Variants in PCGF6 observed in about 807,000 individuals in gnomAD.
PCGF6 encodes polycomb group RING finger protein 6.
PCGF6 carries 24 observed loss-of-function variants against 45.5 expected under a neutral mutation model. The observed-to-expected ratio is 0.53, with a 90% CI of 0.38 to 0.74. The LOEUF (loss-of-function observed/expected upper bound fraction) is 0.74. Ranked by LOEUF, PCGF6 falls within the 30% of genes least tolerant of loss-of-function variation. The pLI, the probability that PCGF6 is intolerant of heterozygous loss-of-function variation, is 0.00. For synonymous variants in PCGF6, 152 were observed against 162.1 expected (o/e 0.94, Z 0.47); for missense variants, 356 against 443.2 (o/e 0.80, Z 1.77).
chr10:103,335,244 G>A (rs1456636942), intron 6 of PCGF6, among the ~76,000 whole-genome samples: 3 of 151,840 alleles, frequency 2.0e-5, no homozygotes, highest in Non-Finnish European at 4.4e-5. Flanking sequence ...TTAAGAGATA[G>A]GGTCTCGCTG....
chr10:103,316,737 G>T (rs2093177549), intron 8 of PCGF6, among the ~76,000 whole-genome samples: 1 of 152,090 alleles, frequency 6.6e-6, no homozygotes, highest in African/African-American at 2.4e-5. Flanking sequence ...AGCAGCCACG[G>T]TGTGGCTGTG....
rs746509117 is a variant in PCGF6, at chr10:103,326,640, AACAG to A, written c.811-12_811-9del. 1.9e-6 allele frequency: 3 copies of A among 1,604,618 alleles called. No homozygotes were observed. The highest frequency in any genetic ancestry group is 2.2e-5 in the South Asian group (2 of 89,718). ...AAACTTCTTTTCCAATGGCTACAAAAACAGACAGATAAAACTATTTTTAGGTTAA... is the reference window on the plus strand; with the variant it reads ...AAACTTCTTTTCCAATGGCTACAAAAACAGATAAAACTATTTTTAGGTTAA... On this transcript the variant is annotated splice_polypyrimidine_tract_variant and intron_variant, in intron 7 of 9. Transcript: ENST00000369847.
chr10:103,334,902 G>A (rs1436525670), intron 6 of PCGF6, among the ~76,000 whole-genome samples: 1 of 152,110 alleles, frequency 6.6e-6, no homozygotes, highest in Non-Finnish European at 1.5e-5. Context: ...GCTCACAGAG[G>A]TCATAACTTT....
In PCGF6 at chr10:103,303,190, G is replaced by A. The variant is rs907372399; in HGVS notation, c.*715C>T. On this transcript the variant is annotated 3_prime_UTR_variant, in exon 10 of 10. Coordinates refer to ENST00000369847, the MANE Select transcript of PCGF6 (RefSeq NM_001011663.2). ...TGCAAGGTATCAACAACCACACTAT[G>A]TACCCAAATAAAATGAATGTCAGAA... The A allele has an allele frequency of 6.6e-6, 1 of 152,506 alleles. No individual in the cohort carries two copies. Among genetic ancestry groups the A allele is most frequent in the African/African-American group, 2.4e-5 (1 of 41,400 alleles). The allele number at this position is 152,506 out of a possible 1,614,324, so 9.4% of individuals were successfully genotyped here. A position where few individuals can be genotyped will look rare whatever the true frequency, so the allele number is the denominator to read the frequency against.
In PCGF6 at chr10:103,351,111, G is replaced by T; in HGVS notation, c.-45C>A. The T allele has an allele frequency of 7.5e-7, 1 of 1,336,906 alleles. No homozygotes were observed. The highest frequency in any genetic ancestry group is 9.6e-7 in the Non-Finnish European group (1 of 1,043,750). The allele number at this position is 1,336,906 out of a possible 1,614,324, so 82.8% of individuals were successfully genotyped here. On this transcript the variant is annotated 5_prime_UTR_variant, in exon 1 of 10. Transcript: ENST00000369847. ...CGAGGCGAGGCGGCGGGAGAGCGCG[G>T]GAGTTCGGCCGGCCTCGGACGCCAC...
chr10:103,309,439 TCTC>T (rs2093148919), intron 9 of PCGF6, among the ~76,000 whole-genome samples: 1 of 152,200 alleles, frequency 6.6e-6, no homozygotes, highest in Non-Finnish European at 1.5e-5. Flanking sequence ...CCTTATTCTC[TCTC>T]TTCTGGTTCC....
intron 8 of PCGF6, among the ~76,000 whole-genome samples, chr10:103,322,896 C>A (rs1293273278): frequency 5.5e-5 from 8 of 145,454 alleles, no homozygotes; most frequent in African/African-American, 1.0e-4. Flanking sequence ...AAACAAAAAA[C>A]AAAAAACAAA....
intron 7 of PCGF6, among the ~76,000 whole-genome samples, chr10:103,327,065 T>C (rs1332997846): frequency 6.6e-6 from 1 of 152,166 alleles, no homozygotes; most frequent in Non-Finnish European, 1.5e-5. Flanking sequence ...GGCAGGCAGA[T>C]TGTTTGAGGT....
chr10:103,307,039 G>T (rs1310570368), intron 9 of PCGF6, among the ~76,000 whole-genome samples: 1 of 152,130 alleles, frequency 6.6e-6, no homozygotes, highest in East Asian at 1.9e-4. Flanking sequence ...GGGAGGCAAA[G>T]GTTGCAGTGA....
intron 8 of PCGF6, among the ~76,000 whole-genome samples, chr10:103,325,142 T>TAAATAAAATAAAATAAAATA (rs202037510): frequency 9.0e-5 from 13 of 144,992 alleles, no homozygotes; most frequent in African/African-American, 3.3e-4. Flanking sequence ...CTCAAAATAA[T>TAAATAAAATAAAATAAAATA]AAATAAAATA....
chr10:103,318,372 G>A (rs1340797471), intron 8 of PCGF6, among the ~76,000 whole-genome samples: 1 of 150,280 alleles, frequency 6.7e-6, no homozygotes, highest in African/African-American at 2.4e-5. Context: ...AAACCTGGGA[G>A]TCAGAAGTTG....
chr10:103,309,382 T>C (rs1279089379), intron 9 of PCGF6, among the ~76,000 whole-genome samples: 10 of 152,302 alleles, frequency 6.6e-5, no homozygotes, highest in African/African-American at 2.4e-4. Flanking sequence ...CAAAAGTGAA[T>C]AAGGTCTTGT....
intron 7 of PCGF6, among the ~76,000 whole-genome samples, chr10:103,332,960 C>T (rs1013194181): frequency 6.6e-6 from 1 of 151,850 alleles, no homozygotes; most frequent in Middle Eastern, 3.4e-3. Flanking sequence ...ACTAAAAATG[C>T]AAAATTAGCT....
intron 7 of PCGF6, among the ~76,000 whole-genome samples, chr10:103,327,420 T>C (rs1212591561): frequency 1.3e-5 from 2 of 152,188 alleles, no homozygotes; most frequent in African/African-American, 4.8e-5. Context: ...GTATGGACCT[T>C]ACTGAATCCT....
At chr10:103,310,263 TA>T (rs1215071367) in intron 9 of PCGF6, among the ~76,000 whole-genome samples, 398 of 138,816 alleles carry the variant, frequency 2.9e-3, no homozygotes, top group Admixed American at 3.3e-3. Flanking sequence ...AACCATGTCT[TA>T]AAAAAAAAAA....
At chr10:103,321,425 T>C (rs1009261532) in intron 8 of PCGF6, among the ~76,000 whole-genome samples, 10 of 152,214 alleles carry the variant, frequency 6.6e-5, no homozygotes, top group South Asian at 2.1e-4. Context: ...TGTAATAATA[T>C]ATTGTAGGCT....
chr10:103,312,652 G>A (rs915072486), intron 9 of PCGF6: 1 of 152,280 alleles, frequency 6.6e-6, no homozygotes, highest in African/African-American at 2.4e-5. Context: ...GCTTCTCAGA[G>A]TCATATAGCT....
At chr10:103,311,437 C>T (rs989757191) in intron 9 of PCGF6, among the ~76,000 whole-genome samples, 14 of 150,988 alleles carry the variant, frequency 9.3e-5, no homozygotes, top group African/African-American at 2.9e-4. Context: ...CCACTGTGCC[C>T]GGCCTCTCTC....
intron 6 of PCGF6, among the ~76,000 whole-genome samples, chr10:103,339,053 C>A (rs1378359542): frequency 6.6e-6 from 1 of 152,142 alleles, no homozygotes; most frequent in Non-Finnish European, 1.5e-5. Flanking sequence ...CTTGTCCTGT[C>A]ATGAAAACAG....
Sources: gnomAD v4.1 joint callset for allele counts (sites outside exome capture counted in the v4.1 genomes callset) on GRCh38, gnomAD v4.1.1 for gene constraint, MANE v1.5 for transcripts, NCBI Gene and HGNC (gene_info 2026-07-23, HGNC 2026-07-21) for gene names.